OARD1: variants seen among roughly 807,000 people sequenced by gnomAD.
OARD1 encodes O-acyl-ADP-ribose deacylase 1, also known as ADP-ribose glycohydrolase OARD1.
OARD1 carries 19 observed loss-of-function variants against 19.7 expected under a neutral mutation model. The ratio of observed to expected loss-of-function variants is 0.96; its 90% CI spans 0.67 to 1.41. The LOEUF (loss-of-function observed/expected upper bound fraction) is 1.41, where lower values mean the gene tolerates loss of function less well. Ranked by LOEUF, OARD1 falls within the 40% of genes most tolerant of loss-of-function variation. The pLI is 0.00. For synonymous variants in OARD1, 70 were observed against 61.8 expected (o/e 1.13, Z -0.62); for missense variants, 190 against 183.8 (o/e 1.03, Z -0.20).
rs777320993 is a variant in OARD1 at position 41,080,678 on chromosome 6, A to G, written c.-41-9003T>C. On this transcript the variant is annotated intron_variant, in intron 1 of 4. Transcript: ENST00000480585. ...TACTACCTTCAACAAAACAGCTTCA[A>G]TATAGGGAGTCTGTACATTTTGAAA... 26 of 656,026 alleles carry G rather than the reference A, an allele frequency of 4.0e-5. 1 individual carries two copies. Among genetic ancestry groups the G allele is most frequent in the Non-Finnish European group, 6.2e-5 (23 of 373,104 alleles). The allele number at this position is 656,026 out of a possible 1,614,324, so 40.6% of individuals were successfully genotyped here.
At chr6:41,095,076 T>C (rs1764311782) in intron 1 of OARD1, among the ~76,000 whole-genome samples, 1 of 152,188 alleles carries the variant, frequency 6.6e-6, no homozygotes, top group African/African-American at 2.4e-5. Context: ...TCTTCCACTT[T>C]TGTTCCCCTC....
chr6:41,069,808 G>C (rs1287709238), intron 4 of OARD1: 2 of 450,556 alleles, frequency 4.4e-6, no homozygotes, highest in East Asian at 4.6e-5. Context: ...CCTAACTTTT[G>C]CAAGTCTTAG....
rs1762991345 is a variant in OARD1 at position 41,065,961 on chromosome 6, C to T, written c.*1374G>A. Reference sequence around the variant, plus strand: ...TTCCCGAATAGCTCTGATACTGAACCATTGGCTAAATCCATGAACTTTATT... The same window carrying T: ...TTCCCGAATAGCTCTGATACTGAACTATTGGCTAAATCCATGAACTTTATT... On this transcript the variant is annotated 3_prime_UTR_variant, in exon 6 of 6. Coordinates refer to ENST00000424266, the MANE Select transcript of OARD1 (RefSeq NM_001329686.2). 6.6e-6 allele frequency: 1 copy of T among 152,230 alleles called. No individual in the cohort carries two copies. The highest frequency in any genetic ancestry group is 2.1e-4 in the South Asian group (1 of 4,836). 9.4% of individuals were successfully genotyped at this position (152,230 alleles called of 1,614,324 possible).
intron 5 of OARD1, among the ~76,000 whole-genome samples, chr6:41,067,986 G>GA (rs61533737): frequency 0.062 from 9,473 of 152,070 alleles, 821 homozygotes; most frequent in African/African-American, 0.2. Context: ...CACCTTCCAA[G>GA]ATGTTACTCT....
At chr6:41,073,337 C>T (rs542679826), upstream of OARD1, among the ~76,000 whole-genome samples, 1 of 151,928 alleles carries the variant, frequency 6.6e-6, no homozygotes, top group East Asian at 2.0e-4. Context: ...GGGGCTCCGA[C>T]CCTCGCAGGG....
intron 3 of OARD1, chr6:41,070,849 C>T: frequency 1.7e-6 from 1 of 576,258 alleles, no homozygotes. Flanking sequence ...ATCTTGAATG[C>T]CAACCTATAG....
chr6:41,072,103 G>C (rs1763464430), intron 1 of OARD1, 133 bp downstream of exon 1: 1 of 158,614 alleles, frequency 6.3e-6, no homozygotes, highest in Admixed American at 6.2e-5. Flanking sequence ...GAGTGTACAG[G>C]GTACTGGCGT....
chr6:41,078,312 GTACTT>G (rs1197234584), intron 1 of OARD1, among the ~76,000 whole-genome samples: 4 of 152,152 alleles, frequency 2.6e-5, no homozygotes, highest in African/African-American at 9.7e-5. Context: ...GAGTGGTACT[GTACTT>G]TGCCACGATA....
At chr6:41,073,681 C>T (rs1056636639), upstream of OARD1, among the ~76,000 whole-genome samples, 3 of 152,044 alleles carry the variant, frequency 2.0e-5, no homozygotes, top group African/African-American at 7.2e-5. Flanking sequence ...CGGCTGGCAA[C>T]GGGGCTGGCC....
intron 1 of OARD1, chr6:41,089,485 T>C: frequency 7.4e-7 from 1 of 1,358,188 alleles, no homozygotes; most frequent in Non-Finnish European, 9.7e-7. Flanking sequence ...TTCAGAACAT[T>C]TTCTGCTTTC....
intron 5 of OARD1, among the ~76,000 whole-genome samples, chr6:41,068,088 T>TA (rs200380090): frequency 1.3e-5 from 2 of 151,316 alleles, no homozygotes; most frequent in Non-Finnish European, 2.9e-5. Context: ...GAATTGTGAT[T>TA]AAAAAAAAAG....
chr6:41,090,421 AC>A, intron 1 of OARD1: 16 of 587,932 alleles, frequency 2.7e-5, no homozygotes, highest in South Asian at 9.0e-5. Context: ...TATTTTTTGG[AC>A]AAAAAAAAAA....
At chr6:41,089,844 G>T in intron 1 of OARD1, 1 of 1,271,606 alleles carries the variant, frequency 7.9e-7, no homozygotes, top group African/African-American at 1.5e-5. Context: ...TTTTGGCCGG[G>T]CGCGGTGGCT....
At chr6:41,094,546 CTTGAG>C (rs1312561994) in intron 1 of OARD1, 1 of 1,476,410 alleles carries the variant, frequency 6.8e-7, no homozygotes, top group Non-Finnish European at 9.5e-7. Flanking sequence ...CTTGTATTGA[CTTGAG>C]TTGAAGCCTT....
Position 41,068,864 on chromosome 6 carries a change from T to G in OARD1, c.333A>C (p.Gly111=), listed in dbSNP as rs1373991364. The change falls in exon 5 of 6, where the codon GGA becomes GGC. Residue 111 remains glycine, a synonymous_variant. Coordinates refer to ENST00000424266, the MANE Select transcript of OARD1 (RefSeq NM_001329686.2). ...EAMKSHCLKN[G]VTDLSMPRIG... is the part of the protein sequence containing the mutation. ...GCCTGGGCATGGAGAGGTCAGTGAC[T>G]CCATTCTTCAGACAATGAGACTTCA... 4 of 1,600,832 alleles carry G rather than the reference T, an allele frequency of 2.5e-6. No individual in the cohort carries two copies. The highest frequency in any genetic ancestry group is 1.3e-5 in the African/African-American group (1 of 74,532).
chr6:41,073,945 G>C (rs967175263), upstream of OARD1, among the ~76,000 whole-genome samples: 1 of 151,496 alleles, frequency 6.6e-6, no homozygotes, highest in Non-Finnish European at 1.5e-5. Flanking sequence ...TGTCCGGGCT[G>C]TAAGACCAGT....
At chr6:41,074,574 A>G (rs912428478), upstream of OARD1, among the ~76,000 whole-genome samples, 2 of 152,214 alleles carry the variant, frequency 1.3e-5, no homozygotes, top group Non-Finnish European at 2.9e-5. Context: ...GCTTGCTCGA[A>G]GAGAAGAAAA....
chr6:41,083,751 T>C (rs1763970472), intron 1 of OARD1, among the ~76,000 whole-genome samples: 1 of 152,242 alleles, frequency 6.6e-6, no homozygotes, highest in African/African-American at 2.4e-5. Context: ...TATGATTAAA[T>C]GTTTGTCATG....
At chr6:41,093,691 G>A (rs1277587480) in intron 1 of OARD1, among the ~76,000 whole-genome samples, 8 of 152,136 alleles carry the variant, frequency 5.3e-5, no homozygotes, top group Admixed American at 3.3e-4. Context: ...GGCTGGTCTC[G>A]AACTCCTGAC....
Sources: gnomAD v4.1 joint callset for allele counts (sites outside exome capture counted in the v4.1 genomes callset) on GRCh38, gnomAD v4.1.1 for gene constraint, MANE v1.5 for transcripts, NCBI Gene and HGNC (gene_info 2026-07-23, HGNC 2026-07-21) for gene names.